TASP1: variants seen among roughly 807,000 people sequenced by gnomAD.
TASP1 encodes the protein threonine aspartase 1.
Under a neutral mutation model 56.6 loss-of-function variants are expected in TASP1, and 16 were observed. The observed-to-expected ratio is 0.28, with a 90% CI of 0.19 to 0.43. The LOEUF (loss-of-function observed/expected upper bound fraction) is 0.43, where lower values mean the gene tolerates loss of function less well. Ranked by LOEUF, TASP1 falls within the 20% of genes least tolerant of loss-of-function variation. The pLI is 1.00. For missense variants in TASP1, 393 were observed against 511.6 expected (o/e 0.77, Z 2.24); for synonymous variants, 179 against 184.2 (o/e 0.97, Z 0.23).
intron 10 of TASP1, among the ~76,000 whole-genome samples, chr20:13,488,096 G>C (rs2043392888): frequency 6.6e-6 from 1 of 152,050 alleles, no homozygotes; most frequent in African/African-American, 2.4e-5. Context: ...AATGTCCAAT[G>C]CATTAATAGG....
intron 10 of TASP1, among the ~76,000 whole-genome samples, chr20:13,526,213 G>A (rs2044973252): frequency 6.6e-6 from 1 of 152,012 alleles, no homozygotes; most frequent in Non-Finnish European, 1.5e-5. Context: ...GACACAATCA[G>A]GCAGGCTCTC....
At chr20:13,522,512 AT>A (rs374408058) in intron 10 of TASP1, among the ~76,000 whole-genome samples, 22 of 152,272 alleles carry the variant, frequency 1.4e-4, no homozygotes, top group African/African-American at 5.3e-4. Context: ...TGAACCCAAA[AT>A]TTTGACTTGA....
intron 11 of TASP1, among the ~76,000 whole-genome samples, chr20:13,455,097 T>C (rs976536840): frequency 6.6e-6 from 1 of 152,090 alleles, no homozygotes; most frequent in Admixed American, 6.6e-5. Flanking sequence ...GATCAAACAA[T>C]AAATGCCTTC....
chr20:13,595,795 C>T (rs1197748155), intron 4 of TASP1, among the ~76,000 whole-genome samples: 1 of 152,162 alleles, frequency 6.6e-6, no homozygotes, highest in Non-Finnish European at 1.5e-5. Context: ...TAACATCCCA[C>T]TGTCAATATT....
chr20:13,292,389 T>C, the TASP1 span: 1 of 1,603,060 alleles, frequency 6.2e-7, no homozygotes, highest in Non-Finnish European at 8.5e-7. Context: ...GAAGACACTT[T>C]TAGGACAGCT....
chr20:13,410,321 C>T (rs1043095463), intron 13 of TASP1, among the ~76,000 whole-genome samples: 1 of 152,122 alleles, frequency 6.6e-6, no homozygotes, highest in East Asian at 1.9e-4. Flanking sequence ...GATGTACTGA[C>T]GTCCTTTTCT....
At chr20:13,358,204 G>T in the TASP1 span, among the ~76,000 whole-genome samples, 1 of 152,010 alleles carries the variant, frequency 6.6e-6, no homozygotes, top group East Asian at 1.9e-4. Context: ...CCTATAAAAC[G>T]GCCCCACCCT....
At chr20:13,549,729 C>G (rs2146998628) in intron 8 of TASP1, among the ~76,000 whole-genome samples, 1 of 152,186 alleles carries the variant, frequency 6.6e-6, no homozygotes, top group East Asian at 1.9e-4. Flanking sequence ...AAGGTGGTGA[C>G]TTGATATTAT....
rs549873504 is a variant in TASP1, at chr20:13,528,913, C to A, written c.796-402G>T. Reference sequence around the variant, plus strand: ...CACTTGGGGAGCTTACTGATAAGAACCCTGATTCCTGGAAATTCTGACTTA... The same window carrying A: ...CACTTGGGGAGCTTACTGATAAGAAACCTGATTCCTGGAAATTCTGACTTA... On this transcript the variant is annotated intron_variant, in intron 9 of 13. Transcript: ENST00000337743. Among the ~76,000 whole-genome samples the A allele has an allele frequency of 3.5e-4, 54 of 152,160 alleles. 3 individuals carry two copies. Among genetic ancestry groups the A allele is most frequent in the African/African-American group, 1.3e-3 (53 of 41,528 alleles).
intron 6 of TASP1, among the ~76,000 whole-genome samples, chr20:13,572,764 G>A (rs2046765531): frequency 1.3e-5 from 2 of 151,206 alleles, no homozygotes; most frequent in South Asian, 4.2e-4. Context: ...GGACTATCTG[G>A]GCAAATACGG....
chr20:13,341,814 C>G, the TASP1 span, among the ~76,000 whole-genome samples: 4 of 152,224 alleles, frequency 2.6e-5, no homozygotes, highest in African/African-American at 9.6e-5. Flanking sequence ...AACGGAGGAA[C>G]AGCTGTTGGC....
At chr20:13,482,173 A>C (rs987543490) in intron 11 of TASP1, among the ~76,000 whole-genome samples, 6 of 152,052 alleles carry the variant, frequency 3.9e-5, no homozygotes, top group Non-Finnish European at 8.8e-5. Flanking sequence ...TGTTGAAGAG[A>C]GTTTTCCAGA....
At chr20:13,623,652 T>A (rs542431037) in intron 3 of TASP1, 138 bp from the exon 4 acceptor site, 102 of 579,104 alleles carry the variant, frequency 1.8e-4, no homozygotes, top group African/African-American at 1.7e-3. Flanking sequence ...AGACATAAAC[T>A]ACTCAGATTA....
intron 7 of TASP1, among the ~76,000 whole-genome samples, chr20:13,563,881 T>C (rs1370933548): frequency 1.3e-5 from 2 of 151,798 alleles, no homozygotes; most frequent in African/African-American, 2.4e-5. Flanking sequence ...AAACCAGAAA[T>C]AGAAAGAAAC....
the TASP1 span, among the ~76,000 whole-genome samples, chr20:13,205,214 C>T: frequency 3.3e-5 from 5 of 152,286 alleles, no homozygotes; most frequent in African/African-American, 1.2e-4. Context: ...CCACTCCCCT[C>T]TCACTGTAGC....
In TASP1 at chr20:13,436,710, C is replaced by G. The variant is rs6131473; in HGVS notation, c.986-1556G>C. ...AGCTCCCAGGATGCAAGAAATCAAGCTGATATCCTCCAAGAAGAGACTGGA... is the reference window on the plus strand; with the variant it reads ...AGCTCCCAGGATGCAAGAAATCAAGGTGATATCCTCCAAGAAGAGACTGGA... On this transcript the variant is annotated intron_variant, in intron 11 of 13. Coordinates refer to ENST00000337743, the MANE Select transcript of TASP1 (RefSeq NM_017714.3). Among the ~76,000 whole-genome samples, 128 of 152,222 alleles carry G rather than the reference C, an allele frequency of 8.4e-4. 2 individuals are homozygous for G. The East Asian group carries it at 0.024, about 28-fold the overall frequency.
At chr20:13,292,540 T>C in the TASP1 span, 1 of 874,084 alleles carries the variant, frequency 1.1e-6, no homozygotes, top group Non-Finnish European at 1.8e-6. Flanking sequence ...AATGCCATCC[T>C]TGGATCCACG....
chr20:13,432,206 A>G (rs2042834259), intron 12 of TASP1, among the ~76,000 whole-genome samples: 1 of 152,242 alleles, frequency 6.6e-6, no homozygotes, highest in Non-Finnish European at 1.5e-5. Context: ...TTCAAGTTAG[A>G]GTAGAATTCC....
chr20:13,344,061 C>A, the TASP1 span, among the ~76,000 whole-genome samples: 1 of 152,086 alleles, frequency 6.6e-6, no homozygotes, highest in Non-Finnish European at 1.5e-5. Context: ...ATTGCTCCAC[C>A]CAGACCGATT....
Sources: gnomAD v4.1 joint callset for allele counts (sites outside exome capture counted in the v4.1 genomes callset) on GRCh38, gnomAD v4.1.1 for gene constraint, MANE v1.5 for transcripts, NCBI Gene and HGNC (gene_info 2026-07-23, HGNC 2026-07-21) for gene names.